MSRA: variants seen among roughly 807,000 people sequenced by gnomAD.
The protein encoded by MSRA is methionine sulfoxide reductase A.
Under a neutral mutation model 31.3 loss-of-function variants are expected in MSRA, and 54 were observed. The observed-to-expected ratio is 1.73, with a 90% CI of 1.39 to 2.17. The LOEUF is 2.17. Ranked by LOEUF, MSRA falls within the 30% of genes most tolerant of loss-of-function variation. MSRA has a pLI of 0.00. For missense variants in MSRA, 507 were observed against 300.9 expected, an observed-to-expected ratio of 1.69 and a Z score of -5.07; for synonymous variants, 169 against 116.5, an observed-to-expected ratio of 1.45 and a Z score of -2.90.
intron 1 of MSRA, among the ~76,000 whole-genome samples, chr8:10,077,479 C>CTTTT (rs10714477): frequency 2.0e-5 from 2 of 101,238 alleles, no homozygotes; most frequent in South Asian, 3.8e-4. Flanking sequence ...CTACCTTCTC[C>CTTTT]TTTTTTTTTT....
chr8:10,399,023 G>T (rs912027069), intron 5 of MSRA, among the ~76,000 whole-genome samples: 16 of 152,322 alleles, frequency 1.1e-4, no homozygotes, highest in Non-Finnish European at 2.2e-4. Flanking sequence ...AAATCTGCCA[G>T]CCTTTGGATT....
At chr8:10,160,038 G>C (rs1365332412) in intron 1 of MSRA, among the ~76,000 whole-genome samples, 1 of 152,154 alleles carries the variant, frequency 6.6e-6, no homozygotes, top group Non-Finnish European at 1.5e-5. Context: ...TCTTAGCAGG[G>C]TGTTGAGATC....
At chr8:10,156,292 T>C (rs1301930367) in intron 1 of MSRA, among the ~76,000 whole-genome samples, 1 of 152,230 alleles carries the variant, frequency 6.6e-6, no homozygotes, top group Non-Finnish European at 1.5e-5. Context: ...GATGATGGTA[T>C]TGAATCACCC....
chr8:10,160,322 C>A (rs143177047), intron 1 of MSRA, among the ~76,000 whole-genome samples: 1,989 of 152,026 alleles, frequency 0.013, 48 homozygotes, highest in Middle Eastern at 0.024. Flanking sequence ...AGTTAAACTC[C>A]GTCTCTACTA....
intron 4 of MSRA, among the ~76,000 whole-genome samples, chr8:10,314,762 G>A (rs554668832): frequency 1.3e-5 from 2 of 152,308 alleles, no homozygotes; most frequent in Admixed American, 1.3e-4. Context: ...TAAATCCATT[G>A]TGGTGCATTC....
chr8:10,384,571 C>G (rs989502798), intron 5 of MSRA, among the ~76,000 whole-genome samples: 2 of 152,228 alleles, frequency 1.3e-5, no homozygotes, highest in African/African-American at 4.8e-5. Flanking sequence ...CACATTCTGA[C>G]ACTGAGCTGG....
At chr8:10,131,938 C>T (rs1423428375) in intron 1 of MSRA, among the ~76,000 whole-genome samples, 1 of 152,132 alleles carries the variant, frequency 6.6e-6, no homozygotes, top group East Asian at 1.9e-4. Flanking sequence ...CAAATGAAAA[C>T]AAATGACTGA....
chr8:10,072,275 G>A (rs963268268), intron 1 of MSRA, among the ~76,000 whole-genome samples: 1 of 150,640 alleles, frequency 6.6e-6, no homozygotes, highest in Non-Finnish European at 1.5e-5. Flanking sequence ...GGGGCTGAAA[G>A]GCTGTGCACA....
intron 5 of MSRA, among the ~76,000 whole-genome samples, chr8:10,344,992 G>A (rs75633240): frequency 0.014 from 2,098 of 152,212 alleles, 17 homozygotes; most frequent in Non-Finnish European, 0.023. Flanking sequence ...TCGGTTTGGC[G>A]GGTCACCTGG....
At chr8:10,061,506 A>G (rs1802723398) in intron 1 of MSRA, among the ~76,000 whole-genome samples, 1 of 152,128 alleles carries the variant, frequency 6.6e-6, no homozygotes, top group Non-Finnish European at 1.5e-5. Context: ...GTTGCTAATT[A>G]GATGTCTTAT....
At position 10,133,879 on chromosome 8, in the gene MSRA, G is replaced by A. The variant is rs146286949; in HGVS notation, c.143-73954G>A. Among the ~76,000 whole-genome samples the A allele has an allele frequency of 3.0e-4, 46 of 152,256 alleles. 1 individual carries two copies. The highest frequency in any genetic ancestry group is 9.1e-4 in the African/African-American group (38 of 41,538). On this transcript the variant is annotated intron_variant, in intron 1 of 5. Coordinates refer to ENST00000317173, the MANE Select transcript of MSRA (RefSeq NM_012331.5). ...GGAGTCTCGCTCTGTCGCCCAGGCT[G>A]GAGTGCAGTGTCACAATCTCGGCTC...
chr8:10,324,636 T>G (rs1285430029), intron 5 of MSRA, among the ~76,000 whole-genome samples: 1 of 152,188 alleles, frequency 6.6e-6, no homozygotes, highest in Non-Finnish European at 1.5e-5. Context: ...GTGATTTTTA[T>G]CTTAGCTTAG....
chr8:10,418,422 C>A (rs1190206207), intron 5 of MSRA, among the ~76,000 whole-genome samples: 3 of 152,116 alleles, frequency 2.0e-5, no homozygotes, highest in Non-Finnish European at 4.4e-5. Context: ...ATTTCCGGAG[C>A]CCTGTGCCTG....
intron 1 of MSRA, among the ~76,000 whole-genome samples, chr8:10,106,340 C>T (rs1034538999): frequency 2.0e-5 from 3 of 152,202 alleles, no homozygotes; most frequent in Non-Finnish European, 4.4e-5. Context: ...AATGTCCTCT[C>T]ATTGGCTAGC....
At chr8:10,387,903 G>A (rs1487972680) in intron 5 of MSRA, among the ~76,000 whole-genome samples, 1 of 152,246 alleles carries the variant, frequency 6.6e-6, no homozygotes, top group South Asian at 2.1e-4. Flanking sequence ...AGCTTCTAGG[G>A]CCTTCCAATT....
At chr8:10,295,105 C>G (rs1800461825) in intron 3 of MSRA, among the ~76,000 whole-genome samples, 3 of 152,150 alleles carry the variant, frequency 2.0e-5, no homozygotes, top group Admixed American at 6.5e-5. Flanking sequence ...GCTCCCGTCT[C>G]TAAACTGCCT....
rs10665004 is a variant in MSRA, at chr8:10,113,292, C to CTTTTTTTTTTTTTTTTTTTTTTTTTTT, written c.142+58656_142+58657insTTTTTTTTTTTTTTTTTTTTTTTTTTT. On this transcript the variant is annotated intron_variant, in intron 1 of 5. Coordinates refer to ENST00000317173, the MANE Select transcript of MSRA (RefSeq NM_012331.5). ...CATGGCTTTGGTGAAGACAGGTCTT[C>CTTTTTTTTTTTTTTTTTTTTTTTTTTT]TTTTTTTTTTTTTTTTTTTTTTGGA... Among the ~76,000 whole-genome samples the CTTTTTTTTTTTTTTTTTTTTTTTTTTT allele has an allele frequency of 3.6e-4, 21 of 57,594 alleles. 4 individuals are homozygous for CTTTTTTTTTTTTTTTTTTTTTTTTTTT. The highest frequency in any genetic ancestry group is 3.0e-3 in the South Asian group (3 of 986). The allele number at this position is 57,594 out of a possible 152,430, so 37.8% of individuals were successfully genotyped here.
At chr8:10,159,883 A>G (rs534583514) in intron 1 of MSRA, among the ~76,000 whole-genome samples, 113 of 152,310 alleles carry the variant, frequency 7.4e-4, no homozygotes, top group African/African-American at 2.4e-3. Context: ...ATACATGCCT[A>G]ATTTTGGATT....
intron 3 of MSRA, among the ~76,000 whole-genome samples, chr8:10,276,486 C>T (rs1289418293): frequency 1.3e-5 from 2 of 152,204 alleles, no homozygotes; most frequent in East Asian, 3.8e-4. Flanking sequence ...GCTGCTGCCT[C>T]AATGGAGCAG....
Sources: gnomAD v4.1 joint callset for allele counts (sites outside exome capture counted in the v4.1 genomes callset) on GRCh38, gnomAD v4.1.1 for gene constraint, MANE v1.5 for transcripts, NCBI Gene and HGNC (gene_info 2026-07-23, HGNC 2026-07-21) for gene names.